The following IQCH variants were observed in gnomAD, a reference collection of about 807,000 sequenced individuals.
The protein encoded by IQCH is IQ domain-containing protein H.
A neutral mutation model predicts 117.0 loss-of-function variants in IQCH; 98 were observed. The ratio of observed to expected loss-of-function variants is 0.84; its 90% CI spans 0.71 to 0.99. The LOEUF is 0.99. Ranked by LOEUF, IQCH falls within the 50% of genes least tolerant of loss-of-function variation. IQCH has a pLI of 0.00. For synonymous variants in IQCH, 412 were observed against 448.2 expected (o/e 0.92, Z 1.02); for missense variants, 1,102 against 1,243.8 (o/e 0.89, Z 1.72).
chr15:67,265,716 TTTCTCTGCTCCCAATCA>T, intron 3 of IQCH, among the ~76,000 whole-genome samples: 1 of 152,230 alleles, frequency 6.6e-6, no homozygotes, highest in Non-Finnish European at 1.5e-5. Context: ...TGACTGACAT[TTTCTCTGCTCCCAATCA>T]TACCTGGTTC....
rs1170687533 is a variant in IQCH at position 67,384,610 on chromosome 15, T to C, written c.1373-326T>C. ...GATATTTTTTTTAACCTGAGCATAA[T>C]TTTCTTACACATCCTTGTAAACATT... On this transcript the variant is annotated intron_variant, in intron 10 of 20. Transcript: ENST00000335894. This position sits in a 1 kb window ranked among gnomAD's most constrained non-coding sequence, Gnocchi z 4.3. Among the ~76,000 whole-genome samples, 1 of 152,114 alleles carries C rather than the reference T, an allele frequency of 6.6e-6. No homozygotes were observed. The highest frequency in any genetic ancestry group is 1.5e-5 in the Non-Finnish European group (1 of 68,008).
chr15:67,420,385 G>A (rs1438526958), intron 15 of IQCH, among the ~76,000 whole-genome samples: 1 of 152,154 alleles, frequency 6.6e-6, no homozygotes, highest in Non-Finnish European at 1.5e-5. Flanking sequence ...TGAAATACAG[G>A]CCAAGTTTCT....
intron 4 of IQCH, among the ~76,000 whole-genome samples, chr15:67,326,042 G>T (rs776046338): frequency 6.6e-6 from 1 of 152,294 alleles, no homozygotes; most frequent in East Asian, 1.9e-4. Flanking sequence ...GTGTGTGCGT[G>T]TGCCATGTTG....
intron 4 of IQCH, among the ~76,000 whole-genome samples, chr15:67,334,067 T>A (rs1187418701): frequency 6.6e-6 from 1 of 151,740 alleles, no homozygotes; most frequent in Admixed American, 6.6e-5. Context: ...GAAAAAAAAA[T>A]TTTAAGCTAT....
chr15:67,439,355 T>C (rs1567189729), intron 16 of IQCH, among the ~76,000 whole-genome samples: 1 of 152,138 alleles, frequency 6.6e-6, no homozygotes, highest in Non-Finnish European at 1.5e-5. Flanking sequence ...TTATTTGAAC[T>C]GAATGACAAT....
chr15:67,340,444 A>AC (rs1567109961), intron 5 of IQCH, among the ~76,000 whole-genome samples: 12 of 145,222 alleles, frequency 8.3e-5, no homozygotes, highest in African/African-American at 2.0e-4. Context: ...AAAAAAAAAA[A>AC]AAAAAAAAAA....
chr15:67,262,036 C>T (rs1452816271), intron 2 of IQCH, among the ~76,000 whole-genome samples: 2 of 152,030 alleles, frequency 1.3e-5, no homozygotes, highest in East Asian at 3.8e-4. Context: ...CTGCAGTAAG[C>T]CTTGATTTCC....
intron 4 of IQCH, among the ~76,000 whole-genome samples, chr15:67,290,264 T>A (rs12595736): frequency 0.21 from 31,913 of 151,988 alleles, 4,153 homozygotes; most frequent in East Asian, 0.47. Context: ...CTCCATAGCT[T>A]TGAAAATCCT....
intron 7 of IQCH, among the ~76,000 whole-genome samples, chr15:67,358,785 C>G (rs1184243492): frequency 6.6e-6 from 1 of 152,220 alleles, no homozygotes; most frequent in African/African-American, 2.4e-5. Context: ...TACTGCCTCT[C>G]CATAGTAGAC....
chr15:67,257,961 G>A (rs954805705), intron 1 of IQCH, among the ~76,000 whole-genome samples: 3 of 152,220 alleles, frequency 2.0e-5, no homozygotes, highest in Non-Finnish European at 4.4e-5. Flanking sequence ...CAGGCGTGGT[G>A]GCTCATGCCT....
In IQCH at chr15:67,417,620, C is replaced by T. The variant is rs771517526; in HGVS notation, c.2218+569C>T. On this transcript the variant is annotated intron_variant, in intron 15 of 20. Coordinates refer to ENST00000335894, the MANE Select transcript of IQCH (RefSeq NM_001031715.3). This position sits in a 1 kb window ranked among gnomAD's most constrained non-coding sequence, Gnocchi z 4.3. ...AAAGCGAGCCTCCATTCCTTTCATCCTCCTCCTCCTACTTCATCCTCATTT... is the reference window on the plus strand; with the variant it reads ...AAAGCGAGCCTCCATTCCTTTCATCTTCCTCCTCCTACTTCATCCTCATTT... Among the ~76,000 whole-genome samples the T allele has an allele frequency of 6.6e-6, 1 of 152,138 alleles. No individual in the cohort carries two copies. Among genetic ancestry groups the T allele is most frequent in the East Asian group, 1.9e-4 (1 of 5,200 alleles).
Position 67,337,198 on chromosome 15 carries a change from C to T in IQCH, c.508+103C>T, listed in dbSNP as rs139748944. ...TTGGACTCTGGCTCAGCCACTAATT[C>T]TCCTGGGTGGCCTCAGACAAGTCAG... On this transcript the variant is annotated intron_variant, in intron 5 of 20. Coordinates refer to ENST00000335894, the MANE Select transcript of IQCH (RefSeq NM_001031715.3). 1.7e-4 allele frequency: 219 copies of T among 1,323,342 alleles called. 2 individuals are homozygous for T. In the Admixed American group the frequency reaches 2.1e-3, roughly 13 times the overall value. The allele number at this position is 1,323,342 out of a possible 1,614,324, so 82.0% of individuals were successfully genotyped here. A position where few individuals can be genotyped will look rare whatever the true frequency, so the allele number is the denominator to read the frequency against.
At chr15:67,268,298 C>G (rs990319178) in intron 3 of IQCH, among the ~76,000 whole-genome samples, 1 of 152,164 alleles carries the variant, frequency 6.6e-6, no homozygotes, top group South Asian at 2.1e-4. Context: ...CTTAAAACAA[C>G]GATAAGGACG....
intron 4 of IQCH, among the ~76,000 whole-genome samples, chr15:67,321,473 C>T (rs559537261): frequency 6.7e-5 from 10 of 150,030 alleles, no homozygotes; most frequent in South Asian, 2.1e-4. Flanking sequence ...TTCCTTCCTT[C>T]CTTTCTTTCT....
In IQCH at chr15:67,372,649, G is replaced by C. The variant is rs762400888; in HGVS notation, c.1292G>C (p.Arg431Pro). ...ESRQRHLENF[R>P]IRAKHLAANW... The stretch of plus-strand genomic sequence containing the variant: ...CGTCAGAGACACCTGGAGAATTTTC[G>C]CATTCGAGCCAAGGTGCACAAGGCT... Residue 431 changes from arginine to proline, a missense_variant, in exon 9 of 21, where the codon CGC (arginine) becomes CCC (proline). By Grantham distance (103) the Arg-to-Pro change is moderately radical. Coordinates refer to ENST00000335894, the MANE Select transcript of IQCH (RefSeq NM_001031715.3). 1.2e-6 allele frequency: 2 copies of C among 1,603,388 alleles called. No homozygotes were observed. The highest frequency in any genetic ancestry group is 1.7e-6 in the Non-Finnish European group (2 of 1,174,362).
In IQCH at chr15:67,473,173, C is replaced by CAATT. The variant is rs2083116034; in HGVS notation, c.2677-2521_2677-2518dup. ...TTGTGAATTCATGGCAATTACCATG[C>CAATT]AATTACATGCTCAGTAACCACAATG... On this transcript the variant is annotated intron_variant, in intron 17 of 20. Coordinates refer to ENST00000335894, the MANE Select transcript of IQCH (RefSeq NM_001031715.3). This position sits in a 1 kb window ranked among gnomAD's most constrained non-coding sequence, Gnocchi z 4.9. Among the ~76,000 whole-genome samples the CAATT allele has an allele frequency of 6.6e-6, 1 of 152,162 alleles. No individual in the cohort carries two copies.
rs984325666 is a variant in IQCH at position 67,417,894 on chromosome 15, A to G, written c.2218+843A>G. Among the ~76,000 whole-genome samples, 2 of 152,206 alleles carry G rather than the reference A, an allele frequency of 1.3e-5. No individual in the cohort carries two copies. Among genetic ancestry groups the G allele is most frequent in the Admixed American group, 6.5e-5 (1 of 15,290 alleles). On this transcript the variant is annotated intron_variant, in intron 15 of 20. Transcript: ENST00000335894. The surrounding 1 kb of genome is among the most constrained non-coding windows in gnomAD (Gnocchi z 4.3). Reference sequence around the variant, plus strand: ...AGTGATAATAATAATCTCAGCAATAATCAATAATGATAAGATAATGTCATG... The same window carrying G: ...AGTGATAATAATAATCTCAGCAATAGTCAATAATGATAAGATAATGTCATG...
chr15:67,348,994 A>C (rs1208661730), intron 6 of IQCH, among the ~76,000 whole-genome samples: 3 of 152,252 alleles, frequency 2.0e-5, no homozygotes, highest in Non-Finnish European at 4.4e-5. Context: ...ATGCAAAGGC[A>C]ATTCAATGGA....
intron 14 of IQCH, among the ~76,000 whole-genome samples, chr15:67,415,374 C>T (rs1009156727): frequency 5.3e-5 from 8 of 152,266 alleles, no homozygotes; most frequent in Admixed American, 4.6e-4. Flanking sequence ...TGCAGGGAGT[C>T]GTCCTGAGCT....
Sources: allele counts gnomAD v4.1 joint callset (sites outside exome capture counted in the v4.1 genomes callset), GRCh38; gene constraint gnomAD v4.1.1; non-coding constraint Gnocchi (gnomAD v3.1); transcripts MANE v1.5; gene names NCBI Gene and HGNC (gene_info 2026-07-23, HGNC 2026-07-21).